Variants in ATAD2B observed in about 807,000 individuals in gnomAD.
The protein encoded by ATAD2B is ATPase family AAA domain-containing protein 2B.
Under a neutral mutation model 167.6 loss-of-function variants are expected in ATAD2B, and 40 were observed. That is an observed-to-expected ratio of 0.24 (90% CI 0.19 to 0.31). The LOEUF (loss-of-function observed/expected upper bound fraction) is 0.31, where lower values mean the gene tolerates loss of function less well. Ranked by LOEUF, ATAD2B falls within the 10% of genes least tolerant of loss-of-function variation. The pLI, the probability that ATAD2B is intolerant of heterozygous loss-of-function variation, is 1.00. For synonymous variants in ATAD2B, 579 were observed against 596.5 expected, an observed-to-expected ratio of 0.97 and a Z score of 0.43; for missense variants, 1,242 against 1,757.2, an observed-to-expected ratio of 0.71 and a Z score of 5.24.
chr2:23,812,744 T>A (rs1178960860), intron 17 of ATAD2B, among the ~76,000 whole-genome samples: 1 of 149,836 alleles, frequency 6.7e-6, no homozygotes, highest in Non-Finnish European at 1.5e-5. Context: ...GTGCCTGTAG[T>A]CCCAGCTACT....
intron 1 of ATAD2B, among the ~76,000 whole-genome samples, chr2:23,896,838 G>A (rs1190203876): frequency 6.6e-6 from 1 of 152,142 alleles, no homozygotes; most frequent in Non-Finnish European, 1.5e-5. Context: ...TGTCTTTGAC[G>A]GTCAAGAGTA....
At chr2:23,752,230 T>A in intron 27 of ATAD2B, 143 bp from the exon 28 acceptor site, 1 of 653,324 alleles carries the variant, frequency 1.5e-6, no homozygotes, top group Non-Finnish European at 2.7e-6. Context: ...TATAATACCA[T>A]AGGTAATTAA....
chr2:23,900,075 G>A lies in ATAD2B; in HGVS notation c.217-4105C>T, dbSNP rs564476138. On this transcript the variant is annotated intron_variant, in intron 1 of 27. Coordinates refer to ENST00000238789, the MANE Select transcript of ATAD2B (RefSeq NM_017552.4). The stretch of plus-strand genomic sequence containing the variant: ...TGGGATTACAGGTGCATGCCACCAC[G>A]CCCAGCTAATTTTTGTATTTTTAGT... Among the ~76,000 whole-genome samples the A allele has an allele frequency of 7.1e-4, 108 of 151,328 alleles. No homozygotes were observed. The South Asian group carries it at 9.6e-3, about 13-fold the overall frequency.
chr2:23,860,028 G>A (rs983959574), intron 12 of ATAD2B, among the ~76,000 whole-genome samples: 4 of 150,542 alleles, frequency 2.7e-5, no homozygotes, highest in African/African-American at 9.9e-5. Context: ...TAGGTCTTGA[G>A]GCCTCCACCC....
Position 23,926,772 on chromosome 2 carries a change from G to A in ATAD2B, c.-2C>T, listed in dbSNP as rs1704934441. On this transcript the variant is annotated 5_prime_UTR_variant, in exon 1 of 28. Transcript: ENST00000238789. ...AGAGCTCTTCCGGGTGTTCACCATG[G>A]TCCAGCCAGGGGGACGGAGTCCACG... 1 of 1,532,974 alleles carries A rather than the reference G, an allele frequency of 6.5e-7. No homozygotes were observed. The highest frequency in any genetic ancestry group is 8.8e-7 in the Non-Finnish European group (1 of 1,138,656). The allele number at this position is 1,532,974 out of a possible 1,614,324, so 95.0% of individuals were successfully genotyped here.
In ATAD2B at chr2:23,828,924, A is replaced by G. The variant is rs755915327; in HGVS notation, c.1744T>C (p.Leu582=). 6.2e-7 allele frequency: 1 copy of G among 1,604,254 alleles called. No homozygotes were observed. Among genetic ancestry groups the G allele is most frequent in the South Asian group, 1.1e-5 (1 of 88,536 alleles). Reference sequence around the variant, plus strand: ...TTCCAGTCCCTGGTATGGATCTGTAAGATGTGTTTTCTTGCCTAAGATGAA... The same window carrying G: ...TTCCAGTCCCTGGTATGGATCTGTAGGATGTGTTTTCTTGCCTAAGATGAA... ...LPDQKARKHI[L]QIHTRDWNPK... The change falls in exon 15 of 28, where the codon TTA becomes CTA. Residue 582 remains leucine, a synonymous_variant. Transcript: ENST00000238789.
chr2:23,753,121 A>G (rs1675549321), intron 27 of ATAD2B, among the ~76,000 whole-genome samples: 1 of 152,176 alleles, frequency 6.6e-6, no homozygotes, highest in Non-Finnish European at 1.5e-5. Flanking sequence ...AGCTCCAAAG[A>G]AATTCTATTC....
chr2:23,806,406 ATGAATAGTC>A (rs1490693460), intron 18 of ATAD2B, among the ~76,000 whole-genome samples: 3 of 152,204 alleles, frequency 2.0e-5, no homozygotes, highest in Non-Finnish European at 4.4e-5. Flanking sequence ...AAGTCTAAGC[ATGAATAGTC>A]TCTTCTGTTC....
At position 23,850,159 on chromosome 2, in the gene ATAD2B, T is replaced by A. The variant is rs867150743; in HGVS notation, c.1568+7256A>T. Among the ~76,000 whole-genome samples the A allele has an allele frequency of 5.1e-3, 708 of 139,066 alleles. 10 individuals carry two copies. The highest frequency in any genetic ancestry group is 0.016 in the African/African-American group (599 of 37,420). 91.2% of individuals were successfully genotyped at this position (139,066 alleles called of 152,430 possible). On this transcript the variant is annotated intron_variant, in intron 13 of 27. Transcript: ENST00000238789. ...GTCTCAAAAAAAAAAAAAAAAAAAA[T>A]GACTTTAAGAGTTATGATCTCTAGA...
the ATAD2B span, among the ~76,000 whole-genome samples, chr2:23,730,268 C>A: frequency 3.9e-5 from 6 of 151,938 alleles, no homozygotes; most frequent in African/African-American, 1.5e-4. Context: ...TCTGAGAAAT[C>A]CCAAATATTT....
chr2:23,818,603 A>T (rs1686969686), intron 17 of ATAD2B, among the ~76,000 whole-genome samples: 1 of 152,182 alleles, frequency 6.6e-6, no homozygotes, highest in Non-Finnish European at 1.5e-5. Flanking sequence ...TATCAATGCA[A>T]ATAATCAAAT....
intron 1 of ATAD2B, among the ~76,000 whole-genome samples, chr2:23,923,259 C>A (rs1283128097): frequency 6.6e-6 from 1 of 152,082 alleles, no homozygotes; most frequent in Non-Finnish European, 1.5e-5. Flanking sequence ...CCCAGAAAGA[C>A]AAATACTGAA....
chr2:23,801,303 A>G (rs1403446231), intron 18 of ATAD2B, among the ~76,000 whole-genome samples: 1 of 152,146 alleles, frequency 6.6e-6, no homozygotes. Flanking sequence ...TTTGCTGGTA[A>G]CTTTTAAAGT....
At chr2:23,896,543 A>G (rs146663863) in intron 1 of ATAD2B, among the ~76,000 whole-genome samples, 1,866 of 152,222 alleles carry the variant, frequency 0.012, 35 homozygotes, top group African/African-American at 0.043. Context: ...GGTGTGATAT[A>G]TATCTTTTTT....
chr2:23,882,743 G>A (rs1698123188), intron 6 of ATAD2B, among the ~76,000 whole-genome samples: 1 of 151,348 alleles, frequency 6.6e-6, no homozygotes. Flanking sequence ...CCAGGAGGCG[G>A]AGCTTGCAGT....
chr2:23,809,580 G>A (rs553433026), intron 18 of ATAD2B, among the ~76,000 whole-genome samples: 53 of 152,160 alleles, frequency 3.5e-4, no homozygotes, highest in Non-Finnish European at 5.0e-4. Flanking sequence ...GCTAAGTATC[G>A]AAGTACAAAG....
chr2:23,751,810 T>G lies in ATAD2B; in HGVS notation c.*236A>C, dbSNP rs943209550. 9.8e-5 allele frequency: 50 copies of G among 510,766 alleles called. 1 individual carries two copies. In the East Asian group the frequency reaches 1.7e-3, roughly 18 times the overall value. 31.6% of individuals were successfully genotyped at this position (510,766 alleles called of 1,614,324 possible). ...CCAAAATCTCCAAGCTGTGGGGTTG[T>G]ATTTTTTATTTGTGGAAAATACAAC... On this transcript the variant is annotated 3_prime_UTR_variant, in exon 28 of 28. Coordinates refer to ENST00000238789, the MANE Select transcript of ATAD2B (RefSeq NM_017552.4).
intron 17 of ATAD2B, among the ~76,000 whole-genome samples, chr2:23,815,007 G>C (rs146661886): frequency 9.8e-4 from 143 of 146,370 alleles, no homozygotes; most frequent in African/African-American, 3.6e-3. Context: ...AGTGAGCTGA[G>C]ATCACACCAT....
chr2:23,850,135 T>A (rs1449674779), intron 13 of ATAD2B, among the ~76,000 whole-genome samples: 1 of 126,798 alleles, frequency 7.9e-6, no homozygotes, highest in African/African-American at 3.2e-5. Context: ...CAAGACTCCG[T>A]CTCAAAAAAA....
Sources: gnomAD v4.1 joint callset for allele counts (sites outside exome capture counted in the v4.1 genomes callset) on GRCh38, gnomAD v4.1.1 for gene constraint, MANE v1.5 for transcripts, NCBI Gene and HGNC (gene_info 2026-07-23, HGNC 2026-07-21) for gene names.